Variants in PLAGL1 observed in about 807,000 individuals in gnomAD.
PLAGL1 encodes the protein PLAG1 like zinc finger 1, also known as zinc finger protein PLAGL1.
Under a neutral mutation model 4.6 loss-of-function variants are expected in PLAGL1, and 1 was observed. The observed-to-expected ratio is 0.22, with a 90% CI of 0.08 to 1.03. The LOEUF (loss-of-function observed/expected upper bound fraction) is 1.03, where lower values mean the gene tolerates loss of function less well. PLAGL1 is among the 50% of genes least tolerant of loss of function. The pLI is 0.58. For missense variants in PLAGL1, 464 were observed against 570.4 expected, an observed-to-expected ratio of 0.81 and a Z score of 1.90; for synonymous variants, 240 against 237.8, an observed-to-expected ratio of 1.01 and a Z score of -0.08.
chr6:144,019,930 T>C (rs1167256015), intron 1 of PLAGL1, among the ~76,000 whole-genome samples: 2 of 152,284 alleles, frequency 1.3e-5, no homozygotes, highest in South Asian at 2.1e-4. Flanking sequence ...ATGCCTAATA[T>C]TGACCAGAAA....
chr6:144,012,546 T>A (rs1795263896), upstream of PLAGL1, among the ~76,000 whole-genome samples: 1 of 152,160 alleles, frequency 6.6e-6, no homozygotes, highest in African/African-American at 2.4e-5. The surrounding 1 kb of genome is among the most constrained non-coding windows in gnomAD (Gnocchi z 4.8). Flanking sequence ...TGATTTAGTA[T>A]TTTAATTTTG....
chr6:144,044,711 C>A (rs1583858807), intron 1 of PLAGL1, among the ~76,000 whole-genome samples: 1 of 152,102 alleles, frequency 6.6e-6, no homozygotes, highest in Non-Finnish European at 1.5e-5. Context: ...AGAGCTGAGT[C>A]CAAGTCCTGG....
In PLAGL1 at chr6:143,948,242, G is replaced by T; in HGVS notation, c.-106C>A. ...TGGGCACATCAGCAGAGTCCCTGCA[G>T]CTGAACTCCAGACCACGGGAGAGGC... On this transcript the variant is annotated 5_prime_UTR_variant, in exon 7 of 8. The change creates a new upstream start codon in the 5' untranslated region. Transcript: ENST00000674357. The surrounding 1 kb of genome is among the most constrained non-coding windows in gnomAD (Gnocchi z 6.0). The T allele has an allele frequency of 9.6e-7, 1 of 1,042,646 alleles. No individual in the cohort carries two copies. The highest frequency in any genetic ancestry group is 1.4e-6 in the Non-Finnish European group (1 of 695,398). 64.6% of individuals were successfully genotyped at this position (1,042,646 alleles called of 1,614,324 possible).
In PLAGL1 at chr6:143,961,106, T is replaced by G. The variant is rs938035831; in HGVS notation, c.-398-564A>C. On this transcript the variant is annotated intron_variant, in intron 5 of 7. Coordinates refer to ENST00000674357, the MANE Select transcript of PLAGL1 (RefSeq NM_001317162.2). This position sits in a 1 kb window ranked among gnomAD's most constrained non-coding sequence, Gnocchi z 6.5. Reference sequence around the variant, plus strand: ...GAAAACTTTTAAAAATACAGATTCCTGGGTGGCCACAGGGCAAATCAGTAC... The same window carrying G: ...GAAAACTTTTAAAAATACAGATTCCGGGGTGGCCACAGGGCAAATCAGTAC... 3 of 152,226 alleles carry G rather than the reference T, an allele frequency of 2.0e-5. No homozygotes were observed. Among genetic ancestry groups the G allele is most frequent in the African/African-American group, 7.2e-5 (3 of 41,450 alleles). The allele number at this position is 152,226 out of a possible 1,614,324, so 9.4% of individuals were successfully genotyped here. A position where few individuals can be genotyped will look rare whatever the true frequency, so the allele number is the denominator to read the frequency against.
chr6:144,022,507 T>A lies in PLAGL1; in HGVS notation c.-151+41961A>T, dbSNP rs879376397. The stretch of plus-strand genomic sequence containing the variant: ...TACAAAGCTAAACATAGTGATATGG[T>A]TTGGCTATTTCCCTACCCAAATCTC... On this transcript the variant is annotated intron_variant, in intron 1 of 3. Coordinates refer to the PLAGL1 transcript ENST00000437412. The surrounding 1 kb of genome is among the most constrained non-coding windows in gnomAD (Gnocchi z 4.2). Among the ~76,000 whole-genome samples, 1 of 152,162 alleles carries A rather than the reference T, an allele frequency of 6.6e-6. No individual in the cohort carries two copies. Among genetic ancestry groups the A allele is most frequent in the Non-Finnish European group, 1.5e-5 (1 of 68,018 alleles).
At chr6:144,019,685 T>G (rs1010376380) in intron 1 of PLAGL1, among the ~76,000 whole-genome samples, 13 of 151,670 alleles carry the variant, frequency 8.6e-5, no homozygotes, top group African/African-American at 3.2e-4. Context: ...GCAAAATAAG[T>G]AGGCATTCTA....
rs931848377 is a variant in PLAGL1 at position 144,005,157 on chromosome 6, T to C, written c.-584+2933A>G. The C allele has an allele frequency of 9.9e-5, 15 of 152,082 alleles. No homozygotes were observed. Among genetic ancestry groups the C allele is most frequent in the Non-Finnish European group, 1.3e-4 (9 of 67,984 alleles). 9.4% of individuals were successfully genotyped at this position (152,082 alleles called of 1,614,324 possible). On this transcript the variant is annotated intron_variant, in intron 1 of 7. Coordinates refer to ENST00000674357, the MANE Select transcript of PLAGL1 (RefSeq NM_001317162.2). This position sits in a 1 kb window ranked among gnomAD's most constrained non-coding sequence, Gnocchi z 4.6. ...TCGAATTTCAAAGAATTGTTGGCCT[T>C]GACACGTATGCTAACTACAGTGCAA...
chr6:143,985,062 A>C lies in PLAGL1; in HGVS notation c.-544+73T>G, dbSNP rs1361222375. 1 of 152,206 alleles carries C rather than the reference A, an allele frequency of 6.6e-6. No homozygotes were observed. The highest frequency in any genetic ancestry group is 1.5e-5 in the Non-Finnish European group (1 of 68,024). The allele number at this position is 152,206 out of a possible 1,614,324, so 9.4% of individuals were successfully genotyped here. A position where few individuals can be genotyped will look rare whatever the true frequency, so the allele number is the denominator to read the frequency against. ...AATTTTTGCTCTAGGAGCTCTAAAA[A>C]ACCATTATCAAGTTATTAGAGAAGA... On this transcript the variant is annotated intron_variant, in intron 2 of 7. Transcript: ENST00000674357. The surrounding 1 kb of genome is among the most constrained non-coding windows in gnomAD (Gnocchi z 4.4).
In PLAGL1 at chr6:143,978,272, A is replaced by G. The variant is rs2128599704; in HGVS notation, c.-544+6863T>C. 6.6e-6 allele frequency among the ~76,000 whole-genome samples: 1 copy of G among 152,162 alleles called. No individual in the cohort carries two copies. Among genetic ancestry groups the G allele is most frequent in the Admixed American group, 6.5e-5 (1 of 15,290 alleles). ...GTTTCCAAAGGTGGAAACTGAGGTT[A>G]TTGATTTTAGGTTCTTTTTCTTTTC... On this transcript the variant is annotated intron_variant, in intron 2 of 7. Coordinates refer to ENST00000674357, the MANE Select transcript of PLAGL1 (RefSeq NM_001317162.2). This position sits in a 1 kb window ranked among gnomAD's most constrained non-coding sequence, Gnocchi z 4.6.
chr6:144,059,820 CTTT>C lies in PLAGL1; in HGVS notation c.-151+4645_-151+4647del, dbSNP rs1423830981. Among the ~76,000 whole-genome samples, 2 of 152,118 alleles carry C rather than the reference CTTT, an allele frequency of 1.3e-5. No homozygotes were observed. Among genetic ancestry groups the C allele is most frequent in the Non-Finnish European group, 2.9e-5 (2 of 68,020 alleles). ...TTTAGTCTTTTGGGGTACCTAGGGC[CTTT>C]TTGAGAGATCAGCCTTGAGGTCCAT... is the stretch of plus-strand genomic sequence containing the variant. On this transcript the variant is annotated intron_variant, in intron 1 of 3. Coordinates refer to the PLAGL1 transcript ENST00000437412. This position sits in a 1 kb window ranked among gnomAD's most constrained non-coding sequence, Gnocchi z 4.9.
At chr6:144,007,329 G>A (rs1171252225) in intron 1 of PLAGL1, 1 of 152,156 alleles carries the variant, frequency 6.6e-6, no homozygotes, top group African/African-American at 2.4e-5. Context: ...ACCTCAGTGA[G>A]GCCCCAGAAA....
At position 143,975,992 on chromosome 6, in the gene PLAGL1, A is replaced by G. The variant is rs1454140098; in HGVS notation, c.-543-7014T>C. Among the ~76,000 whole-genome samples, 1 of 152,232 alleles carries G rather than the reference A, an allele frequency of 6.6e-6. No individual in the cohort carries two copies. Among genetic ancestry groups the G allele is most frequent in the Admixed American group, 6.5e-5 (1 of 15,278 alleles). On this transcript the variant is annotated intron_variant, in intron 2 of 7. Coordinates refer to ENST00000674357, the MANE Select transcript of PLAGL1 (RefSeq NM_001317162.2). The surrounding 1 kb of genome is among the most constrained non-coding windows in gnomAD (Gnocchi z 5.8). ...CATATCTTACTTCGTTGACCCTCACATTACTAAGAGAAAACAGATTAATTA... is the reference window on the plus strand; with the variant it reads ...CATATCTTACTTCGTTGACCCTCACGTTACTAAGAGAAAACAGATTAATTA...
chr6:143,989,480 AC>A lies in PLAGL1; in HGVS notation c.-583-4307del, dbSNP rs1483269748. Among the ~76,000 whole-genome samples the A allele has an allele frequency of 1.3e-5, 2 of 151,870 alleles. No individual in the cohort carries two copies. The highest frequency in any genetic ancestry group is 2.1e-4 in the South Asian group (1 of 4,806). ...AAAAAGGTGGAAGGAGGAGGAATTC[AC>A]CCCCTTTTCTTCCTGCCTGCCTGAG... On this transcript the variant is annotated intron_variant, in intron 1 of 7. Coordinates refer to ENST00000674357, the MANE Select transcript of PLAGL1 (RefSeq NM_001317162.2). This position sits in a 1 kb window ranked among gnomAD's most constrained non-coding sequence, Gnocchi z 4.8.
At position 143,966,531 on chromosome 6, in the gene PLAGL1, A is replaced by T. The variant is rs927439095; in HGVS notation, c.-471-333T>A. On this transcript the variant is annotated intron_variant, in intron 3 of 7. Transcript: ENST00000674357. The surrounding 1 kb of genome is among the most constrained non-coding windows in gnomAD (Gnocchi z 6.0). The stretch of plus-strand genomic sequence containing the variant: ...GATTTGAATATGTGGGGCAAATGAG[A>T]ACCATTTTAGGGAAACAACATAAGA... The T allele has an allele frequency of 2.0e-5, 3 of 152,212 alleles. No homozygotes were observed. The highest frequency in any genetic ancestry group is 4.4e-5 in the Non-Finnish European group (3 of 68,032). 9.4% of individuals were successfully genotyped at this position (152,212 alleles called of 1,614,324 possible).
chr6:144,001,709 A>T (rs940989003), intron 1 of PLAGL1, among the ~76,000 whole-genome samples: 2 of 152,190 alleles, frequency 1.3e-5, no homozygotes, highest in South Asian at 4.1e-4. Context: ...TTGCCATGTG[A>T]TCAAAGTTAT....
At chr6:143,993,988 C>T (rs1012447892) in intron 1 of PLAGL1, among the ~76,000 whole-genome samples, 1 of 151,320 alleles carries the variant, frequency 6.6e-6, no homozygotes, top group Non-Finnish European at 1.5e-5. Flanking sequence ...AAGGTTTGCT[C>T]AGTTCCCAAC....
intron 2 of PLAGL1, among the ~76,000 whole-genome samples, chr6:143,977,083 T>TTC (rs1786724243): frequency 2.9e-5 from 4 of 136,980 alleles, no homozygotes; most frequent in Admixed American, 7.5e-5. Context: ...TATACTCCCT[T>TTC]CCCCCCCCCC....
Position 144,050,022 on chromosome 6 carries a change from G to GA in PLAGL1, c.-151+14445dup, listed in dbSNP as rs762634312. 5.9e-5 allele frequency among the ~76,000 whole-genome samples: 9 copies of GA among 152,150 alleles called. No individual in the cohort carries two copies. Among genetic ancestry groups the GA allele is most frequent in the Admixed American group, 1.3e-4 (2 of 15,274 alleles). Reference sequence around the variant, plus strand: ...CAGATGCGAAAAATGGCAGAAGGGGGAAAGGGTGAATGGGAGGGAAGCCAT... The same window carrying GA: ...CAGATGCGAAAAATGGCAGAAGGGGGAAAAGGGTGAATGGGAGGGAAGCCAT... On this transcript the variant is annotated intron_variant, in intron 1 of 3. Transcript: ENST00000437412. The surrounding 1 kb of genome is among the most constrained non-coding windows in gnomAD (Gnocchi z 4.3).
chr6:144,047,153 C>T (rs920758209), intron 1 of PLAGL1, among the ~76,000 whole-genome samples: 9 of 152,304 alleles, frequency 5.9e-5, no homozygotes, highest in Middle Eastern at 3.4e-3. Flanking sequence ...TTGCACTTCC[C>T]GGGTGAGGCA....
Sources: gnomAD v4.1 joint callset for allele counts (sites outside exome capture counted in the v4.1 genomes callset) on GRCh38, gnomAD v4.1.1 for gene constraint, Gnocchi (gnomAD v3.1) non-coding constraint, MANE v1.5 for transcripts, NCBI Gene and HGNC (gene_info 2026-07-23, HGNC 2026-07-21) for gene names.